CACNA2D3: variants seen among roughly 807,000 people sequenced by gnomAD.
CACNA2D3 encodes the protein calcium voltage-gated channel auxiliary subunit alpha2delta 3.
Under a neutral mutation model 160.6 loss-of-function variants are expected in CACNA2D3, and 60 were observed. The observed-to-expected ratio is 0.37, with a 90% CI of 0.30 to 0.46. The LOEUF is 0.46. CACNA2D3 is among the 20% of genes least tolerant of loss of function. The pLI, the probability that CACNA2D3 is intolerant of heterozygous loss-of-function variation, is 1.00. For missense variants in CACNA2D3, 1,205 were observed against 1,365.0 expected, an observed-to-expected ratio of 0.88 and a Z score of 1.85; for synonymous variants, 558 against 492.9, an observed-to-expected ratio of 1.13 and a Z score of -1.75.
intron 4 of CACNA2D3, among the ~76,000 whole-genome samples, chr3:54,421,552 C>A (rs1297676205): frequency 2.0e-5 from 3 of 152,054 alleles, no homozygotes; most frequent in African/African-American, 7.2e-5. Context: ...GGATGGGATT[C>A]TATATACCCT....
At position 54,320,344 on chromosome 3, in the gene CACNA2D3, T is replaced by C. The variant is rs543988528; in HGVS notation, c.205-98T>C. 12 of 567,470 alleles carry C rather than the reference T, an allele frequency of 2.1e-5. No individual in the cohort carries two copies. The South Asian group carries it at 2.5e-4, about 12-fold the overall frequency. The allele number at this position is 567,470 out of a possible 1,614,324, so 35.2% of individuals were successfully genotyped here. On this transcript the variant is annotated intron_variant, in intron 2 of 37. Coordinates refer to ENST00000474759, the MANE Select transcript of CACNA2D3 (RefSeq NM_018398.3). ...ACCAGAAGCAGTCATGGTGTAATTT[T>C]ATCTTTATTTATTCCTTGTGGGTAG...
rs187069009 is a variant in CACNA2D3 at position 55,068,510 on chromosome 3, A to G, written c.2988-4935A>G. Among the ~76,000 whole-genome samples, 342 of 152,274 alleles carry G rather than the reference A, an allele frequency of 2.2e-3. 1 individual carries two copies. The highest frequency in any genetic ancestry group is 6.8e-3 in the Middle Eastern group (2 of 294). The stretch of plus-strand genomic sequence containing the variant: ...CACTTAAGTGCTATCTATACCTAAT[A>G]CATCTTATAAGTTTTATCCATCTCA... On this transcript the variant is annotated intron_variant, in intron 35 of 37. Transcript: ENST00000474759.
chr3:54,173,659 A>G (rs919300528), intron 2 of CACNA2D3, among the ~76,000 whole-genome samples: 1 of 152,228 alleles, frequency 6.6e-6, no homozygotes, highest in Non-Finnish European at 1.5e-5. Context: ...GGAAATGATT[A>G]ATCTTTGCAA....
intron 13 of CACNA2D3, among the ~76,000 whole-genome samples, chr3:54,803,414 C>G (rs1703041608): frequency 6.6e-6 from 1 of 152,114 alleles, no homozygotes; most frequent in Non-Finnish European, 1.5e-5. Context: ...GTGAAGAATG[C>G]AGAAGCCTCA....
intron 5 of CACNA2D3, among the ~76,000 whole-genome samples, chr3:54,513,926 G>A (rs2106968348): frequency 6.6e-6 from 1 of 152,206 alleles, no homozygotes; most frequent in South Asian, 2.1e-4. Flanking sequence ...ACCTGCCTTG[G>A]CCTCCCAAAG....
At chr3:55,030,160 T>G (rs1381113552) in intron 35 of CACNA2D3, among the ~76,000 whole-genome samples, 1 of 152,128 alleles carries the variant, frequency 6.6e-6, no homozygotes, top group Non-Finnish European at 1.5e-5. Context: ...GTCAAAATAG[T>G]TCCTGTCTCA....
At chr3:54,650,200 T>TG (rs1575405771) in intron 11 of CACNA2D3, among the ~76,000 whole-genome samples, 1 of 75,036 alleles carries the variant, frequency 1.3e-5, no homozygotes, top group African/African-American at 3.4e-5. Context: ...TTGTTTTTTG[T>TG]TTTTGTTTGT....
At chr3:54,541,138 G>A (rs192851085) in intron 5 of CACNA2D3, among the ~76,000 whole-genome samples, 25 of 151,840 alleles carry the variant, frequency 1.6e-4, no homozygotes, top group African/African-American at 5.3e-4. Flanking sequence ...TTAGCCGGGC[G>A]TGGTGGCGGG....
chr3:54,250,556 C>T (rs750875741), intron 2 of CACNA2D3, among the ~76,000 whole-genome samples: 3 of 152,096 alleles, frequency 2.0e-5, no homozygotes, highest in Non-Finnish European at 4.4e-5. Context: ...ACCTCACCCT[C>T]CCATGTAGCT....
chr3:54,912,511 C>T (rs1559626341), intron 27 of CACNA2D3, among the ~76,000 whole-genome samples: 1 of 152,152 alleles, frequency 6.6e-6, no homozygotes. Context: ...CTTGCTGCTA[C>T]CTCAGGGCCT....
intron 2 of CACNA2D3, among the ~76,000 whole-genome samples, chr3:54,140,243 C>T (rs1391269073): frequency 6.6e-6 from 1 of 152,186 alleles, no homozygotes; most frequent in African/African-American, 2.4e-5. Flanking sequence ...GATCCCTGGT[C>T]AGAGAAGGAG....
At chr3:54,894,600 C>T in intron 25 of CACNA2D3, 1 of 516,222 alleles carries the variant, frequency 1.9e-6, no homozygotes, top group Non-Finnish European at 3.9e-6. Context: ...GCTGTAATGA[C>T]CACTGAACAG....
At chr3:54,362,840 C>T (rs1366067416) in intron 3 of CACNA2D3, among the ~76,000 whole-genome samples, 1 of 152,192 alleles carries the variant, frequency 6.6e-6, no homozygotes, top group Admixed American at 6.5e-5. Flanking sequence ...AGTTCAGGAA[C>T]TGTTGATATC....
chr3:54,317,283 C>G (rs1703884641), intron 2 of CACNA2D3, among the ~76,000 whole-genome samples: 1 of 152,224 alleles, frequency 6.6e-6, no homozygotes, highest in Non-Finnish European at 1.5e-5. Context: ...CCTCTGAGGC[C>G]AATCCAGTCA....
At chr3:54,540,691 G>C (rs926785564) in intron 5 of CACNA2D3, among the ~76,000 whole-genome samples, 2 of 152,038 alleles carry the variant, frequency 1.3e-5, no homozygotes, top group Non-Finnish European at 2.9e-5. Flanking sequence ...AAGAGAGGAA[G>C]CGAGCTCTCT....
chr3:54,627,677 G>T, intron 9 of CACNA2D3, 110 bp from the exon 10 acceptor site: 2 of 720,620 alleles, frequency 2.8e-6, no homozygotes, highest in South Asian at 3.1e-5. Flanking sequence ...ATTATGACCG[G>T]TTGGATCTGA....
In CACNA2D3 at chr3:54,340,796, C is replaced by G. The variant is rs557629181; in HGVS notation, c.321+20238C>G. 2.0e-5 allele frequency among the ~76,000 whole-genome samples: 3 copies of G among 152,268 alleles called. No homozygotes were observed. The South Asian group carries it at 6.2e-4, about 32-fold the overall frequency. ...CCTGGTTTTCCATGGAGATCTGTCC[C>G]TTCTTGATCCCCAGTCCACAAGGCT... On this transcript the variant is annotated intron_variant, in intron 3 of 37. Transcript: ENST00000474759.
At position 54,884,369 on chromosome 3, in the gene CACNA2D3, C is replaced by T. The variant is rs113987591; in HGVS notation, c.1913-912C>T. Among the ~76,000 whole-genome samples the T allele has an allele frequency of 3.3e-3, 503 of 152,310 alleles. 2 individuals carry two copies. The highest frequency in any genetic ancestry group is 0.012 in the African/African-American group (486 of 41,574). On this transcript the variant is annotated intron_variant, in intron 21 of 37. Transcript: ENST00000474759. ...GCAATGATGTTCATTCTAATGTATT[C>T]TCTACTTTCTGTAAAATCAAGCAGA...
intron 4 of CACNA2D3, among the ~76,000 whole-genome samples, chr3:54,460,219 C>T (rs1273270577): frequency 9.2e-5 from 14 of 152,102 alleles, no homozygotes. Context: ...ATGCCTCCAG[C>T]TTTGTTCTTT....
Sources: gnomAD v4.1 joint callset for allele counts (sites outside exome capture counted in the v4.1 genomes callset) on GRCh38, gnomAD v4.1.1 for gene constraint, MANE v1.5 for transcripts, NCBI Gene and HGNC (gene_info 2026-07-23, HGNC 2026-07-21) for gene names.